UNC5B: variants seen among roughly 807,000 people sequenced by gnomAD.
UNC5B encodes the protein unc-5 netrin receptor B.
UNC5B carries 56 observed loss-of-function variants against 103.7 expected under a neutral mutation model. That is an observed-to-expected ratio of 0.54 (90% CI 0.44 to 0.67). The LOEUF (loss-of-function observed/expected upper bound fraction) is 0.67, where lower values mean the gene tolerates loss of function less well. Ranked by LOEUF, UNC5B falls within the 30% of genes least tolerant of loss-of-function variation. The pLI is 0.00. For missense variants in UNC5B, 1,194 were observed against 1,284.5 expected, an observed-to-expected ratio of 0.93 and a Z score of 1.08; for synonymous variants, 577 against 542.0, an observed-to-expected ratio of 1.06 and a Z score of -0.90.
At chr10:71,221,949 T>C (rs1385425764) in intron 1 of UNC5B, among the ~76,000 whole-genome samples, 1 of 152,184 alleles carries the variant, frequency 6.6e-6, no homozygotes, top group Non-Finnish European at 1.5e-5. Context: ...TGCTTAAAAG[T>C]GTGTTGCATA....
At chr10:71,276,922 C>T (rs1449825144) in intron 1 of UNC5B, among the ~76,000 whole-genome samples, 2 of 152,174 alleles carry the variant, frequency 1.3e-5, no homozygotes, top group African/African-American at 4.8e-5. Context: ...AAGAGCCATC[C>T]GGTACTGCTG....
intron 1 of UNC5B, among the ~76,000 whole-genome samples, chr10:71,264,258 T>C (rs549028194): frequency 3.2e-4 from 49 of 152,348 alleles, no homozygotes; most frequent in Non-Finnish European, 5.0e-4. Flanking sequence ...ATGTAGAAGA[T>C]ATAGGTATTA....
chr10:71,235,616 G>A (rs1564710243), intron 1 of UNC5B, among the ~76,000 whole-genome samples: 4 of 152,220 alleles, frequency 2.6e-5, no homozygotes, highest in African/African-American at 7.2e-5. Context: ...CAGGCCAGAC[G>A]GTGGGAGGAC....
intron 1 of UNC5B, among the ~76,000 whole-genome samples, chr10:71,222,637 T>C (rs186740933): frequency 2.8e-4 from 42 of 152,266 alleles, no homozygotes; most frequent in African/African-American, 9.6e-4. Context: ...AGTGGCAGTT[T>C]CCAGGTTGGC....
At chr10:71,294,013 AT>A in intron 13 of UNC5B, 80 bp downstream of exon 13, 2 of 1,333,528 alleles carry the variant, frequency 1.5e-6, no homozygotes, top group Non-Finnish European at 2.0e-6. Context: ...CCCCAGGCTC[AT>A]GGGTCCTCCC....
At chr10:71,259,911 C>T (rs893809373) in intron 1 of UNC5B, among the ~76,000 whole-genome samples, 1 of 152,196 alleles carries the variant, frequency 6.6e-6, no homozygotes, top group African/African-American at 2.4e-5. Context: ...AGGGGCAGCT[C>T]GGAGTCTGCC....
chr10:71,279,670 C>A (rs536637651), intron 1 of UNC5B, 151 bp from the exon 2 acceptor site: 3 of 751,830 alleles, frequency 4.0e-6, no homozygotes, highest in Middle Eastern at 3.9e-4. Context: ...GACTTGACCC[C>A]GGTTGCAGAT....
At chr10:71,225,276 G>A (rs1031312867) in intron 1 of UNC5B, among the ~76,000 whole-genome samples, 9 of 152,122 alleles carry the variant, frequency 5.9e-5, no homozygotes, top group Non-Finnish European at 1.2e-4. Context: ...CACGGGGGTC[G>A]CTGATCTGAG....
rs893087103 is a variant in UNC5B at position 71,292,379 on chromosome 10, T to A, written c.1685-88T>A. 5.8e-5 allele frequency: 69 copies of A among 1,181,400 alleles called. 1 individual carries two copies. In the South Asian group the frequency reaches 6.3e-4, roughly 11 times the overall value. The allele number at this position is 1,181,400 out of a possible 1,614,324, so 73.2% of individuals were successfully genotyped here. On this transcript the variant is annotated intron_variant, in intron 10 of 16. Transcript: ENST00000335350. ...CTACCTGGAGCTCAGGAGATATCTT[T>A]CTCTCCCAGCCCCAAGCTGGGGCCA...
At chr10:71,225,273 G>A (rs965789056) in intron 1 of UNC5B, among the ~76,000 whole-genome samples, 16 of 152,214 alleles carry the variant, frequency 1.1e-4, no homozygotes, top group Admixed American at 3.3e-4. Context: ...ACCCACGGGG[G>A]TCGCTGATCT....
intron 1 of UNC5B, among the ~76,000 whole-genome samples, chr10:71,268,321 C>T (rs1844566566): frequency 6.6e-6 from 1 of 152,264 alleles, no homozygotes; most frequent in African/African-American, 2.4e-5. Flanking sequence ...AGTCTGGCCA[C>T]TCCTTTTTCT....
chr10:71,290,635 C>G (rs1845222883), intron 8 of UNC5B, among the ~76,000 whole-genome samples: 1 of 152,240 alleles, frequency 6.6e-6, no homozygotes, highest in South Asian at 2.1e-4. Context: ...GTCTCATCAG[C>G]AGCAAGCAAT....
chr10:71,286,869 G>C lies in UNC5B; in HGVS notation c.733G>C (p.Val245Leu), dbSNP rs112837792. 6.2e-7 allele frequency: 1 copy of C among 1,612,640 alleles called. No individual in the cohort carries two copies. Among genetic ancestry groups the C allele is most frequent in the Admixed American group, 1.7e-5 (1 of 59,994 alleles). ...CACCACTGCCACCGTCATCGTCTAC[G>C]GTGCGGGCCTTTCGGAGTGGGAGGG... is the stretch of plus-strand genomic sequence containing the variant. The part of the protein sequence containing the change: ...RSTTATVIVY[V>L]NGGWSSWAEW... The change falls in exon 5 of 17, where the codon GTG becomes CTG. Residue 245 changes from valine (V) to leucine (L), a missense_variant and splice_region_variant. By Grantham distance (32) the Val-to-Leu change is conservative. Coordinates refer to ENST00000335350, the MANE Select transcript of UNC5B (RefSeq NM_170744.5).
chr10:71,276,480 C>T (rs2132295419), intron 1 of UNC5B, among the ~76,000 whole-genome samples: 1 of 152,326 alleles, frequency 6.6e-6, no homozygotes, highest in South Asian at 2.1e-4. Context: ...GTCGCCCAGG[C>T]TGGAGTGCAG....
chr10:71,295,674 T>A, intron 13 of UNC5B, 137 bp from the exon 14 acceptor site: 1 of 985,254 alleles, frequency 1.0e-6, no homozygotes, highest in Non-Finnish European at 1.5e-6. Flanking sequence ...TCTCACACCA[T>A]AAGCCCTCTG....
At chr10:71,278,495 A>G (rs1211039238) in intron 1 of UNC5B, among the ~76,000 whole-genome samples, 4 of 151,614 alleles carry the variant, frequency 2.6e-5, no homozygotes, top group Non-Finnish European at 5.9e-5. Context: ...CCTAGGCCCC[A>G]AGCCAGTGAT....
chr10:71,287,941 T>A (rs1175812712), intron 6 of UNC5B, among the ~76,000 whole-genome samples, 176 bp downstream of exon 6: 1 of 152,214 alleles, frequency 6.6e-6, no homozygotes, highest in Non-Finnish European at 1.5e-5. Flanking sequence ...CCCCTTATTC[T>A]GCCCTGGGCT....
chr10:71,284,457 C>T (rs1314745315), intron 2 of UNC5B, among the ~76,000 whole-genome samples: 1 of 152,196 alleles, frequency 6.6e-6, no homozygotes, highest in Non-Finnish European at 1.5e-5. Flanking sequence ...GGGAATGACA[C>T]ACCACTTGTG....
At chr10:71,283,239 C>G (rs1325978449) in intron 2 of UNC5B, among the ~76,000 whole-genome samples, 2 of 152,222 alleles carry the variant, frequency 1.3e-5, no homozygotes, top group Non-Finnish European at 2.9e-5. Context: ...GCCACCTACC[C>G]TCTCTGAGCC....
Sources: gnomAD v4.1 joint callset for allele counts (sites outside exome capture counted in the v4.1 genomes callset) on GRCh38, gnomAD v4.1.1 for gene constraint, MANE v1.5 for transcripts, NCBI Gene and HGNC (gene_info 2026-07-23, HGNC 2026-07-21) for gene names.